The following PLB1 variants were observed in gnomAD, a reference collection of about 807,000 sequenced individuals.
The protein encoded by PLB1 is phospholipase B1, membrane-associated.
PLB1 carries 242 observed loss-of-function variants against 227.4 expected under a neutral mutation model. The ratio of observed to expected loss-of-function variants is 1.06; its 90% CI spans 0.96 to 1.18. PLB1 has a LOEUF of 1.18. PLB1 is among the 50% of genes most tolerant of loss of function. PLB1 has a pLI of 0.00. For synonymous variants in PLB1, 757 were observed against 682.2 expected (o/e 1.11, Z -1.71); for missense variants, 1,858 against 1,816.3 (o/e 1.02, Z -0.42).
At chr2:28,604,844 A>T (rs577432999) in intron 41 of PLB1, 85 bp downstream of exon 41, 2 of 1,244,800 alleles carry the variant, frequency 1.6e-6, no homozygotes, top group South Asian at 2.7e-5. Context: ...GAGCATGTGC[A>T]TAAAATGGGA....
In PLB1 at chr2:28,614,026, C is replaced by G. The variant is rs760581045; in HGVS notation, c.3130-5C>G. 1 of 1,604,974 alleles carries G rather than the reference C, an allele frequency of 6.2e-7. No individual in the cohort carries two copies. The highest frequency in any genetic ancestry group is 8.5e-7 in the Non-Finnish European group (1 of 1,174,934). ...AACTTCTCCATGTGTTTTTTTTTCT[C>G]TTAGAATGAGCCCTTCCTGAGAACC... On this transcript the variant is annotated splice_polypyrimidine_tract_variant and splice_region_variant and intron_variant, in intron 43 of 57. Transcript: ENST00000327757.
At chr2:28,637,332 A>C (rs1278512503) in intron 56 of PLB1, among the ~76,000 whole-genome samples, 1 of 152,052 alleles carries the variant, frequency 6.6e-6, no homozygotes, top group Admixed American at 6.5e-5. Context: ...TACTTGAAAA[A>C]CAATATCAGT....
At chr2:28,544,619 C>CA (rs1672971496) in intron 14 of PLB1, among the ~76,000 whole-genome samples, 1 of 152,174 alleles carries the variant, frequency 6.6e-6, no homozygotes, top group Admixed American at 6.5e-5. Context: ...GAACGAGAGT[C>CA]AAAAGGGACT....
At chr2:28,603,017 T>A in intron 39 of PLB1, 96 bp downstream of exon 39, 1 of 1,080,158 alleles carries the variant, frequency 9.3e-7, no homozygotes, top group Non-Finnish European at 1.4e-6. Context: ...TGTGACTTGG[T>A]CTATCCATGT....
chr2:28,565,040 A>G (rs1314915727), intron 18 of PLB1, among the ~76,000 whole-genome samples: 1 of 152,206 alleles, frequency 6.6e-6, no homozygotes, highest in Non-Finnish European at 1.5e-5. Flanking sequence ...GTCTTGGCCT[A>G]GGCAGGGTTT....
At chr2:28,620,848 G>A (rs761900606) in intron 48 of PLB1, 31 bp from the exon 49 acceptor site, 3 of 1,586,180 alleles carry the variant, frequency 1.9e-6, no homozygotes, top group Non-Finnish European at 2.6e-6. Flanking sequence ...GCTCTCACCT[G>A]TGCTCTTCTC....
intron 20 of PLB1, among the ~76,000 whole-genome samples, chr2:28,571,054 TA>T (rs1485591736): frequency 6.6e-6 from 1 of 152,154 alleles, no homozygotes; most frequent in East Asian, 1.9e-4. Context: ...CACTTCTATT[TA>T]AAGATGAGAT....
chr2:28,543,252 A>G lies in PLB1; in HGVS notation c.920A>G (p.His307Arg), dbSNP rs769719153. The change falls in exon 14 of 58, where the codon CAT becomes CGT. Residue 307 changes from histidine (H) to arginine (R), a missense_variant. Transcript: ENST00000327757. ...RLQDSTTLAW[H>R]LWNRMMEPAG... ...CAGGATTCTACCACGCTGGCCTGGC[A>G]TCTCTGGAATAGGATGGTGAGTAGA... is the stretch of plus-strand genomic sequence containing the variant. 1.9e-6 allele frequency: 3 copies of G among 1,612,548 alleles called. No individual in the cohort carries two copies. The highest frequency in any genetic ancestry group is 4.5e-5 in the East Asian group (2 of 44,852).
At chr2:28,584,490 T>C (rs74364916) in intron 25 of PLB1, among the ~76,000 whole-genome samples, 2,470 of 152,364 alleles carry the variant, frequency 0.016, 29 homozygotes, top group Non-Finnish European at 0.026. Context: ...CTTCACTCCA[T>C]TTCAGAGCAG....
Position 28,618,398 on chromosome 2 carries a change from CTG to C in PLB1, c.3315+2_3315+3del, listed in dbSNP as rs755721323. 5.0e-6 allele frequency: 8 copies of C among 1,614,054 alleles called. No individual in the cohort carries two copies. Among genetic ancestry groups the C allele is most frequent in the Non-Finnish European group, 6.8e-6 (8 of 1,179,932 alleles). ...GTGGCCGCCCTGGGTGACTCTCTGACTGTGAGTAGTGAGCCATGAACCAGGAT... is the reference window on the plus strand; with the variant it reads ...GTGGCCGCCCTGGGTGACTCTCTGACTGAGTAGTGAGCCATGAACCAGGAT... On this transcript the variant is annotated splice_donor_variant and coding_sequence_variant, in exon 46 of 58. Transcript: ENST00000327757. LOFTEE classifies it high-confidence loss of function.
intron 23 of PLB1, among the ~76,000 whole-genome samples, chr2:28,581,338 G>C (rs550841477): frequency 2.2e-4 from 33 of 152,016 alleles, no homozygotes; most frequent in African/African-American, 7.7e-4. Context: ...CCAAGAAAAA[G>C]AGATCGGGCC....
chr2:28,605,795 T>C, intron 41 of PLB1, 58 bp from the exon 42 acceptor site: 1 of 1,432,280 alleles, frequency 7.0e-7, no homozygotes, highest in South Asian at 1.2e-5. Flanking sequence ...CCAAGTCCGC[T>C]GGTGGTGGCT....
intron 23 of PLB1, among the ~76,000 whole-genome samples, chr2:28,580,661 C>T (rs1014368229): frequency 6.6e-6 from 1 of 151,752 alleles, no homozygotes; most frequent in East Asian, 1.9e-4. Context: ...TTGCAGTGAG[C>T]TGAGATCATG....
chr2:28,603,898 G>A (rs1230899330), intron 39 of PLB1, 68 bp from the exon 40 acceptor site: 1 of 1,460,588 alleles, frequency 6.8e-7, no homozygotes, highest in South Asian at 1.1e-5. Flanking sequence ...CCTGAACCTG[G>A]GCAATCAGAA....
intron 26 of PLB1, among the ~76,000 whole-genome samples, chr2:28,586,840 A>G (rs1424016421): frequency 2.0e-5 from 3 of 152,066 alleles, no homozygotes; most frequent in African/African-American, 7.2e-5. Flanking sequence ...CTTGACCTCC[A>G]AGCCTCAAGT....
intron 49 of PLB1, among the ~76,000 whole-genome samples, chr2:28,622,931 C>T (rs1402088834): frequency 2.0e-5 from 3 of 152,084 alleles, no homozygotes; most frequent in Non-Finnish European, 4.4e-5. Context: ...ACAAAGGAAT[C>T]AAAAGATGAA....
rs1196479919 is a variant in PLB1 at position 28,550,734 on chromosome 2, G to T, written c.1083+650G>T. Reference sequence around the variant, plus strand: ...TTTTTGTATTTTTAGTAGAGACAGGGTTTCACCATGTTGGCCAGGCTGGTC... The same window carrying T: ...TTTTTGTATTTTTAGTAGAGACAGGTTTTCACCATGTTGGCCAGGCTGGTC... On this transcript the variant is annotated intron_variant, in intron 16 of 57. Coordinates refer to ENST00000327757, the MANE Select transcript of PLB1 (RefSeq NM_153021.5). Among the ~76,000 whole-genome samples the T allele has an allele frequency of 2.6e-5, 4 of 151,666 alleles. No individual in the cohort carries two copies. In the East Asian group the frequency reaches 5.8e-4, roughly 22 times the overall value.
At chr2:28,606,615 C>A in intron 43 of PLB1, 48 bp downstream of exon 43, 1 of 1,551,180 alleles carries the variant, frequency 6.4e-7, no homozygotes. Context: ...CCAGGGCACA[C>A]AGCTCGCCCT....
intron 35 of PLB1, among the ~76,000 whole-genome samples, chr2:28,599,053 C>T (rs1159722889): frequency 2.6e-5 from 4 of 152,214 alleles, no homozygotes; most frequent in Non-Finnish European, 5.9e-5. Flanking sequence ...TACAACTCAC[C>T]AAGGCACAAC....
Sources: gnomAD v4.1 joint callset for allele counts (sites outside exome capture counted in the v4.1 genomes callset) on GRCh38, gnomAD v4.1.1 for gene constraint, MANE v1.5 for transcripts, NCBI Gene and HGNC (gene_info 2026-07-23, HGNC 2026-07-21) for gene names.